The following TUSC3 variants were observed in gnomAD, a reference collection of about 807,000 sequenced individuals.
TUSC3 encodes the protein tumor suppressor candidate 3.
A neutral mutation model predicts 44.8 loss-of-function variants in TUSC3; 45 were observed. The ratio of observed to expected loss-of-function variants is 1.00; its 90% CI spans 0.79 to 1.29. The LOEUF is 1.29. Ranked by LOEUF, TUSC3 falls within the 50% of genes most tolerant of loss-of-function variation. The probability of loss-of-function intolerance (pLI) is 0.00; values close to 1 mark genes in which losing one functional copy is unlikely to be tolerated. For synonymous variants in TUSC3, 212 were observed against 152.9 expected (o/e 1.39, Z -2.85); for missense variants, 519 against 437.9 (o/e 1.19, Z -1.65).
At chr8:15,655,550 G>A (rs747514005) in intron 3 of TUSC3, among the ~76,000 whole-genome samples, 4 of 152,178 alleles carry the variant, frequency 2.6e-5, no homozygotes, top group Non-Finnish European at 5.9e-5. Flanking sequence ...TTGATGTCTC[G>A]AAGTTGCCCA....
chr8:15,778,913 A>G, the TUSC3 span, among the ~76,000 whole-genome samples: 13 of 152,110 alleles, frequency 8.5e-5, no homozygotes, highest in Non-Finnish European at 1.5e-4. Flanking sequence ...TGTCCTTCTG[A>G]GTTTACGTTA....
chr8:15,775,669 TAC>T, the TUSC3 span, among the ~76,000 whole-genome samples: 613 of 144,188 alleles, frequency 4.3e-3, 4 homozygotes, highest in African/African-American at 0.015. Flanking sequence ...TATACATATA[TAC>T]ACACATAAAT....
At chr8:15,557,890 TAAG>T (rs1802322741) in intron 1 of TUSC3, among the ~76,000 whole-genome samples, 1 of 92,480 alleles carries the variant, frequency 1.1e-5, no homozygotes, top group South Asian at 4.3e-4. Flanking sequence ...CTTATCAGCT[TAAG>T]GAGATTTTGG....
At chr8:15,721,493 T>C (rs900682498) in intron 6 of TUSC3, among the ~76,000 whole-genome samples, 1 of 152,108 alleles carries the variant, frequency 6.6e-6, no homozygotes, top group Non-Finnish European at 1.5e-5. Flanking sequence ...ATTATACTTT[T>C]CATATATACG....
At chr8:15,778,591 C>A in the TUSC3 span, among the ~76,000 whole-genome samples, 1 of 152,092 alleles carries the variant, frequency 6.6e-6, no homozygotes, top group Non-Finnish European at 1.5e-5. Context: ...TTTTCTCACC[C>A]CTTTCTCTTC....
chr8:15,549,359 A>G lies in TUSC3; in HGVS notation c.138+8791A>G, dbSNP rs766746121. On this transcript the variant is annotated intron_variant, in intron 1 of 10. Transcript: ENST00000503731. Reference sequence around the variant, plus strand: ...TGGCTGATTTTTGTATTTTTAGTAGAGGCTGGGTTTCACCATGTTGATCAG... The same window carrying G: ...TGGCTGATTTTTGTATTTTTAGTAGGGGCTGGGTTTCACCATGTTGATCAG... Among the ~76,000 whole-genome samples, 172 of 151,424 alleles carry G rather than the reference A, an allele frequency of 1.1e-3. 4 individuals are homozygous for G. Among genetic ancestry groups the G allele is most frequent in the Non-Finnish European group, 1.8e-3 (124 of 67,758 alleles).
At chr8:15,504,601 ATATATATATATATATATATATTTT>A (rs1372785154) in intron 2 of TUSC3, among the ~76,000 whole-genome samples, 66 of 39,096 alleles carry the variant, frequency 1.7e-3, no homozygotes, top group African/African-American at 7.9e-3. Flanking sequence ...ATATATATAT[ATATATATATATATATATATATTTT>A]TTTTTTTTTT....
intron 1 of TUSC3, among the ~76,000 whole-genome samples, chr8:15,556,171 A>C (rs1405103740): frequency 6.6e-5 from 6 of 91,128 alleles, no homozygotes; most frequent in Admixed American, 1.6e-4. Flanking sequence ...CCCACCCCAC[A>C]ACAGTCCCCA....
chr8:15,521,571 G>A (rs933589233), intron 2 of TUSC3, among the ~76,000 whole-genome samples: 1 of 152,046 alleles, frequency 6.6e-6, no homozygotes, highest in African/African-American at 2.4e-5. Flanking sequence ...GAATTCTCTT[G>A]AGCCACACAT....
the TUSC3 span, among the ~76,000 whole-genome samples, chr8:15,803,999 G>A: frequency 1.2e-4 from 19 of 152,088 alleles, no homozygotes; most frequent in African/African-American, 4.3e-4. Flanking sequence ...AATTAATGCT[G>A]CAATAAACAT....
intron 1 of TUSC3, among the ~76,000 whole-genome samples, chr8:15,573,202 C>CTCTCTCTATA (rs1435847916): frequency 1.9e-4 from 14 of 74,190 alleles, no homozygotes; most frequent in African/African-American, 3.2e-4. Flanking sequence ...CTCTCTCTCT[C>CTCTCTCTATA]TATATATATA....
chr8:15,766,211 T>G lies in TUSC3; in HGVS notation c.*2055T>G, dbSNP rs982802080. On this transcript the variant is annotated 3_prime_UTR_variant, in exon 11 of 11. Transcript: ENST00000503731. ...AAGCTGTGGCTTCTCTATAGACAAC[T>G]GTTACATTAGGGAAGTGATTCTAGA... 6.6e-6 allele frequency: 1 copy of G among 152,114 alleles called. No homozygotes were observed. The highest frequency in any genetic ancestry group is 2.4e-5 in the African/African-American group (1 of 41,440). 9.4% of individuals were successfully genotyped at this position (152,114 alleles called of 1,614,324 possible). A position where few individuals can be genotyped will look rare whatever the true frequency, so the allele number is the denominator to read the frequency against.
chr8:15,586,972 T>C (rs2129148934), intron 1 of TUSC3, among the ~76,000 whole-genome samples: 1 of 152,296 alleles, frequency 6.6e-6, no homozygotes, highest in East Asian at 1.9e-4. Context: ...TGCTAAAGTT[T>C]GAGAACTGCT....
Position 15,540,277 on chromosome 8 carries a change from C to G in TUSC3, c.-154C>G. The G allele has an allele frequency of 9.2e-7, 1 of 1,083,632 alleles. No individual in the cohort carries two copies. The highest frequency in any genetic ancestry group is 1.2e-6 in the Non-Finnish European group (1 of 818,858). The allele number at this position is 1,083,632 out of a possible 1,614,324, so 67.1% of individuals were successfully genotyped here. ...GATGCTCTGTCAGTCTCCTCCTCTG[C>G]GTCCTCGGCCGCGGCCCGGGTCCCT... On this transcript the variant is annotated 5_prime_UTR_variant, in exon 1 of 11. Coordinates refer to ENST00000503731, the MANE Select transcript of TUSC3 (RefSeq NM_006765.4).
At chr8:15,579,096 AT>A (rs1209184683) in intron 1 of TUSC3, among the ~76,000 whole-genome samples, 1 of 151,762 alleles carries the variant, frequency 6.6e-6, no homozygotes, top group Non-Finnish European at 1.5e-5. Context: ...TTTCTAGTTT[AT>A]TTGCGTAGAG....
intron 1 of TUSC3, among the ~76,000 whole-genome samples, chr8:15,569,860 T>G (rs1327818240): frequency 1.3e-5 from 2 of 152,102 alleles, no homozygotes; most frequent in African/African-American, 4.8e-5. Context: ...GGACCAAAGG[T>G]TTAACATGTT....
At chr8:15,491,583 C>T (rs1457223011) in intron 2 of TUSC3, among the ~76,000 whole-genome samples, 1 of 152,072 alleles carries the variant, frequency 6.6e-6, no homozygotes, top group Non-Finnish European at 1.5e-5. Context: ...TATCTTTTTG[C>T]TTACATACAC....
chr8:15,739,746 A>G (rs552350897), intron 7 of TUSC3, among the ~76,000 whole-genome samples: 1 of 152,236 alleles, frequency 6.6e-6, no homozygotes, highest in Non-Finnish European at 1.5e-5. Context: ...AAGATATTTC[A>G]TGCTGAAACT....
chr8:15,543,109 G>A (rs543858207), intron 1 of TUSC3, among the ~76,000 whole-genome samples: 3 of 152,268 alleles, frequency 2.0e-5, no homozygotes, highest in Admixed American at 6.5e-5. Context: ...CCTAGTGATA[G>A]CCCAGGGTTA....
Sources: allele counts gnomAD v4.1 joint callset (sites outside exome capture counted in the v4.1 genomes callset), GRCh38; gene constraint gnomAD v4.1.1; transcripts MANE v1.5; gene names NCBI Gene and HGNC (gene_info 2026-07-23, HGNC 2026-07-21).